The following GPC5 variants were observed in gnomAD, a reference collection of about 807,000 sequenced individuals.
GPC5 encodes the protein glypican 5.
In GPC5, 47 loss-of-function variants were observed where a neutral mutation model predicts 53.9. That is an observed-to-expected ratio of 0.87 (90% confidence interval 0.69 to 1.11). The LOEUF is 1.11. Ranked by LOEUF, GPC5 falls within the 50% of genes most tolerant of loss-of-function variation. The pLI, the probability that GPC5 is intolerant of heterozygous loss-of-function variation, is 0.00. For synonymous variants in GPC5, 286 were observed against 263.3 expected (o/e 1.09, Z -0.84); for missense variants, 748 against 713.1 (o/e 1.05, Z -0.56).
chr13:92,613,198 T>A (rs1403056800), intron 7 of GPC5, among the ~76,000 whole-genome samples: 2 of 141,990 alleles, frequency 1.4e-5, no homozygotes, highest in Non-Finnish European at 3.0e-5. Context: ...GTTCGCAATA[T>A]ATGAAGTATA....
intron 2 of GPC5, among the ~76,000 whole-genome samples, chr13:91,639,378 C>A (rs1022820223): frequency 1.3e-5 from 2 of 152,156 alleles, no homozygotes; most frequent in African/African-American, 4.8e-5. Context: ...AACAAACTTT[C>A]TGATGATTCA....
intron 2 of GPC5, among the ~76,000 whole-genome samples, chr13:91,631,224 T>A (rs1482307274): frequency 6.6e-6 from 1 of 152,152 alleles, no homozygotes; most frequent in Non-Finnish European, 1.5e-5. Context: ...ATTACACAGA[T>A]TTTTTAATTT....
chr13:91,878,661 G>C lies in GPC5; in HGVS notation c.1281-29276G>C, dbSNP rs1005994067. Among the ~76,000 whole-genome samples the C allele has an allele frequency of 2.6e-5, 4 of 152,216 alleles. No individual in the cohort carries two copies. The East Asian group carries it at 5.8e-4, about 22-fold the overall frequency. ...TAGTGAATGAGTTCTCATGAGACCA[G>C]ATGGTTTTATAAGGAGCTTTTCTCT... On this transcript the variant is annotated intron_variant, in intron 5 of 7. Coordinates refer to ENST00000377067, the MANE Select transcript of GPC5 (RefSeq NM_004466.6).
intron 6 of GPC5, among the ~76,000 whole-genome samples, chr13:92,066,498 T>A (rs1446872644): frequency 6.6e-6 from 1 of 151,638 alleles, no homozygotes; most frequent in Non-Finnish European, 1.5e-5. Context: ...TTAATAGTGT[T>A]CCAATGGCAA....
intron 2 of GPC5, among the ~76,000 whole-genome samples, chr13:91,547,438 T>C (rs1236602371): frequency 6.6e-6 from 1 of 152,068 alleles, no homozygotes; most frequent in Non-Finnish European, 1.5e-5. Context: ...AGACACATGA[T>C]ATTTATATGA....
intron 5 of GPC5, among the ~76,000 whole-genome samples, chr13:91,804,820 G>A (rs2038194648): frequency 1.3e-5 from 2 of 152,170 alleles, no homozygotes; most frequent in Admixed American, 1.3e-4. Flanking sequence ...GACTTTACTG[G>A]AGATGTGTGC....
chr13:92,468,845 C>T (rs1394053246), intron 7 of GPC5, among the ~76,000 whole-genome samples: 1 of 152,066 alleles, frequency 6.6e-6, no homozygotes, highest in African/African-American at 2.4e-5. Flanking sequence ...TACCCATTCC[C>T]TCTCCACTTA....
intron 6 of GPC5, among the ~76,000 whole-genome samples, chr13:91,934,496 C>T (rs761590697): frequency 3.3e-5 from 5 of 151,826 alleles, no homozygotes; most frequent in Non-Finnish European, 4.4e-5. Flanking sequence ...AGCTGTCTGA[C>T]GGTCACTGAA....
At chr13:91,945,758 C>A (rs949981449) in intron 6 of GPC5, among the ~76,000 whole-genome samples, 2 of 152,112 alleles carry the variant, frequency 1.3e-5, no homozygotes, top group Admixed American at 6.6e-5. Flanking sequence ...CTTGGTAGTG[C>A]CCAAAATGGT....
At chr13:92,585,030 C>T (rs886075662) in intron 7 of GPC5, among the ~76,000 whole-genome samples, 2 of 151,976 alleles carry the variant, frequency 1.3e-5, no homozygotes, top group African/African-American at 4.8e-5. Context: ...TAAGGGGGGG[C>T]TCATGGAGAA....
intron 6 of GPC5, among the ~76,000 whole-genome samples, chr13:91,977,656 A>C (rs1007190657): frequency 6.6e-6 from 1 of 152,196 alleles, no homozygotes; most frequent in African/African-American, 2.4e-5. Context: ...AATCAGATTA[A>C]AAACTCCCTT....
At chr13:91,859,412 T>C (rs1228734980) in intron 5 of GPC5, among the ~76,000 whole-genome samples, 1 of 152,026 alleles carries the variant, frequency 6.6e-6, no homozygotes, top group Non-Finnish European at 1.5e-5. Context: ...CTAAGGATCA[T>C]TAGAGGCTAC....
chr13:92,703,048 ATATATATTTATTTATTTATT>A (rs1459240546), intron 7 of GPC5, among the ~76,000 whole-genome samples: 9 of 127,304 alleles, frequency 7.1e-5, no homozygotes, highest in African/African-American at 2.2e-4. Context: ...CCTGGCATAT[ATATATATTTATTTATTTATT>A]TATTTATTTA....
chr13:92,033,717 T>C (rs1299128895), intron 6 of GPC5, among the ~76,000 whole-genome samples: 1 of 152,232 alleles, frequency 6.6e-6, no homozygotes, highest in Non-Finnish European at 1.5e-5. Context: ...TGCTTTTAAC[T>C]GCCTGATGTT....
At chr13:91,989,919 A>G (rs1298155483) in intron 6 of GPC5, among the ~76,000 whole-genome samples, 1 of 152,180 alleles carries the variant, frequency 6.6e-6, no homozygotes, top group African/African-American at 2.4e-5. Context: ...AAATGTGAGG[A>G]TAAGTGAAGA....
intron 7 of GPC5, among the ~76,000 whole-genome samples, chr13:92,296,783 C>T (rs564737152): frequency 3.1e-4 from 47 of 152,312 alleles, no homozygotes; most frequent in East Asian, 1.4e-3. Context: ...CTGCTGGCCC[C>T]GGGCAATGAG....
intron 7 of GPC5, among the ~76,000 whole-genome samples, chr13:92,769,937 G>A (rs1015114474): frequency 6.6e-6 from 1 of 152,138 alleles, no homozygotes; most frequent in Admixed American, 6.5e-5. Context: ...ACTCCTTTGT[G>A]CTTTCACATC....
chr13:91,714,790 GCC>G (rs1240544931), intron 3 of GPC5, among the ~76,000 whole-genome samples: 1 of 152,144 alleles, frequency 6.6e-6, no homozygotes, highest in Non-Finnish European at 1.5e-5. Flanking sequence ...GACAGGTGAG[GCC>G]CCAACTGGGG....
intron 7 of GPC5, among the ~76,000 whole-genome samples, chr13:92,194,248 C>A (rs2042242637): frequency 6.6e-6 from 1 of 152,206 alleles, no homozygotes; most frequent in African/African-American, 2.4e-5. Context: ...TGAATTCACA[C>A]AGTTCATCCT....
Sources: gnomAD v4.1 joint callset for allele counts (sites outside exome capture counted in the v4.1 genomes callset) on GRCh38, gnomAD v4.1.1 for gene constraint, MANE v1.5 for transcripts, NCBI Gene and HGNC (gene_info 2026-07-23, HGNC 2026-07-21) for gene names.